The following APBB1IP variants were observed in gnomAD, a reference collection of about 807,000 sequenced individuals.
APBB1IP encodes amyloid beta A4 precursor protein-binding family B member 1-interacting protein.
A neutral mutation model predicts 64.9 loss-of-function variants in APBB1IP; 27 were observed. That is an observed-to-expected ratio of 0.42 (90% CI 0.31 to 0.57). The LOEUF is 0.57. APBB1IP is among the 20% of genes least tolerant of loss of function. The pLI is 0.20. For synonymous variants in APBB1IP, 392 were observed against 331.0 expected (o/e 1.18, Z -2.00); for missense variants, 812 against 845.5 (o/e 0.96, Z 0.49).
chr10:26,476,008 G>A lies in APBB1IP; in HGVS notation c.1-16319G>A, dbSNP rs139048640. ...TTTGGGAGGCCAAGGCCAGAGGATC[G>A]CTTGAGGCCAAGAGTTCAAGACCAT... On this transcript the variant is annotated intron_variant, in intron 2 of 14. Transcript: ENST00000376236. Among the ~76,000 whole-genome samples the A allele has an allele frequency of 6.6e-3, 1,003 of 151,804 alleles. 13 individuals are homozygous for A. The highest frequency in any genetic ancestry group is 0.023 in the African/African-American group (947 of 41,376).
At chr10:26,460,845 TG>T (rs1378512102) in intron 2 of APBB1IP, among the ~76,000 whole-genome samples, 1 of 152,126 alleles carries the variant, frequency 6.6e-6, no homozygotes, top group Non-Finnish European at 1.5e-5. Context: ...TAATGGATGC[TG>T]GGGTAAAAGC....
intron 2 of APBB1IP, among the ~76,000 whole-genome samples, chr10:26,473,176 A>C (rs1196207231): frequency 6.6e-6 from 1 of 152,204 alleles, no homozygotes; most frequent in Non-Finnish European, 1.5e-5. Context: ...AAAAAATGTC[A>C]TGAATGTTTC....
In APBB1IP at chr10:26,478,981, A is replaced by G. The variant is rs940079186; in HGVS notation, c.1-13346A>G. ...CAAGAGGGAATATTTATTTAGAGCC[A>G]AAAAGGAAATCACAATGAATGACCA... On this transcript the variant is annotated intron_variant, in intron 2 of 14. Coordinates refer to ENST00000376236, the MANE Select transcript of APBB1IP (RefSeq NM_019043.4). Among the ~76,000 whole-genome samples the G allele has an allele frequency of 2.0e-5, 3 of 152,232 alleles. No individual in the cohort carries two copies. The South Asian group carries it at 6.2e-4, about 31-fold the overall frequency.
intron 8 of APBB1IP, among the ~76,000 whole-genome samples, chr10:26,515,599 G>A (rs1836316257): frequency 6.6e-6 from 1 of 152,148 alleles, no homozygotes; most frequent in Non-Finnish European, 1.5e-5. Context: ...TCCTCCATGA[G>A]GCACCTTTCC....
intron 2 of APBB1IP, among the ~76,000 whole-genome samples, chr10:26,469,258 C>CTTTT (rs386361721): frequency 0.011 from 1,221 of 112,874 alleles, 59 homozygotes; most frequent in African/African-American, 0.041. Flanking sequence ...CTTTTCTTTT[C>CTTTT]TTTTTTTTTT....
At chr10:26,474,655 A>C (rs1349368346) in intron 2 of APBB1IP, among the ~76,000 whole-genome samples, 2 of 152,260 alleles carry the variant, frequency 1.3e-5, no homozygotes, top group Non-Finnish European at 2.9e-5. Flanking sequence ...AAAAAGTAAA[A>C]AATAAATTGT....
intron 3 of APBB1IP, 132 bp from the exon 4 acceptor site, chr10:26,496,172 C>A: frequency 3.6e-6 from 2 of 552,116 alleles, no homozygotes; most frequent in Non-Finnish European, 6.3e-6. Flanking sequence ...TTCAAGTTAC[C>A]ATATGGTTTT....
rs930575771 is a variant in APBB1IP at position 26,545,531 on chromosome 10, C to T, written c.1155+3839C>T. Among the ~76,000 whole-genome samples the T allele has an allele frequency of 3.2e-4, 48 of 152,106 alleles. 2 individuals are homozygous for T. Among genetic ancestry groups the T allele is most frequent in the Non-Finnish European group, 6.2e-4 (42 of 67,966 alleles). On this transcript the variant is annotated intron_variant, in intron 11 of 14. Transcript: ENST00000376236. The stretch of plus-strand genomic sequence containing the variant: ...ATCCCAGCACTTTGGGAGGCCGAGG[C>T]GGGCGGATCACGAGGTCAGGAGATC...
intron 2 of APBB1IP, among the ~76,000 whole-genome samples, chr10:26,469,590 C>T (rs1265618980): frequency 6.6e-6 from 1 of 152,004 alleles, no homozygotes; most frequent in East Asian, 1.9e-4. Flanking sequence ...TTTTTAACTT[C>T]TTATTTTTAT....
At chr10:26,507,825 A>C (rs1345716353) in intron 6 of APBB1IP, among the ~76,000 whole-genome samples, 1 of 152,260 alleles carries the variant, frequency 6.6e-6, no homozygotes, top group Admixed American at 6.5e-5. Context: ...TAGAACAGCC[A>C]GCAGATTCCA....
chr10:26,487,959 C>G (rs1215779347), intron 2 of APBB1IP, among the ~76,000 whole-genome samples: 3 of 152,124 alleles, frequency 2.0e-5, no homozygotes, highest in Non-Finnish European at 4.4e-5. Context: ...AAATGGATTA[C>G]TCTCATAAAA....
intron 8 of APBB1IP, among the ~76,000 whole-genome samples, chr10:26,532,427 A>T (rs924672424): frequency 2.0e-5 from 3 of 151,770 alleles, no homozygotes; most frequent in African/African-American, 7.3e-5. Context: ...ATTAATACAA[A>T]CCATGCTTAG....
At chr10:26,529,172 C>T (rs552520366) in intron 8 of APBB1IP, among the ~76,000 whole-genome samples, 4 of 152,160 alleles carry the variant, frequency 2.6e-5, no homozygotes, top group South Asian at 2.1e-4. Context: ...CTTTATTATT[C>T]GACTCAGGTT....
chr10:26,446,765 G>T (rs1373498867), intron 2 of APBB1IP, among the ~76,000 whole-genome samples: 1 of 152,010 alleles, frequency 6.6e-6, no homozygotes. Flanking sequence ...TCCCAGCTAC[G>T]TGGGAGGCTG....
At position 26,562,404 on chromosome 10, in the gene APBB1IP, C is replaced by T. The variant is rs764399444; in HGVS notation, c.1448C>T (p.Ala483Val). 6.2e-7 allele frequency: 1 copy of T among 1,613,904 alleles called. No individual in the cohort carries two copies. Among genetic ancestry groups the T allele is most frequent in the Admixed American group, 1.7e-5 (1 of 60,016 alleles). The change falls in exon 14 of 15, where the codon GCC becomes GTC. Residue 483 changes from alanine to valine, a missense_variant. Ala to Val is a moderately conservative substitution (Grantham distance 64, BLOSUM62 0). Coordinates refer to ENST00000376236, the MANE Select transcript of APBB1IP (RefSeq NM_019043.4). ...TCTGTCAGTGCTGTTCTCCAAGAGG[C>T]CCAGAGACATGCTGAAACATCGAAG... ...THSVSAVLQE[A>V]QRHAETSKDK... is the part of the protein sequence containing the mutation.
chr10:26,456,606 G>A (rs1299375719), intron 2 of APBB1IP, among the ~76,000 whole-genome samples: 1 of 152,020 alleles, frequency 6.6e-6, no homozygotes, highest in African/African-American at 2.4e-5. Context: ...AGAGACTGTG[G>A]CGAGCATCTG....
intron 11 of APBB1IP, among the ~76,000 whole-genome samples, chr10:26,551,711 T>C (rs561986012): frequency 7.9e-5 from 12 of 152,354 alleles, no homozygotes; most frequent in Middle Eastern, 3.4e-3. Context: ...TTCTTTACAG[T>C]ATTTTTCACA....
chr10:26,554,113 G>T (rs1836865767), intron 11 of APBB1IP, among the ~76,000 whole-genome samples: 1 of 152,048 alleles, frequency 6.6e-6, no homozygotes, highest in South Asian at 2.1e-4. Context: ...ATGTCCAAGG[G>T]GTACCTCTAT....
chr10:26,443,280 C>G (rs944532419), intron 2 of APBB1IP, among the ~76,000 whole-genome samples: 1 of 151,846 alleles, frequency 6.6e-6, no homozygotes, highest in African/African-American at 2.4e-5. Context: ...AAAAATTAGC[C>G]TGGCATGGTG....
Sources: allele counts gnomAD v4.1 joint callset (sites outside exome capture counted in the v4.1 genomes callset), GRCh38; gene constraint gnomAD v4.1.1; transcripts MANE v1.5; gene names NCBI Gene and HGNC (gene_info 2026-07-23, HGNC 2026-07-21).